Variants in DDX5 observed in about 807,000 individuals in gnomAD.
DDX5 encodes the protein probable ATP-dependent RNA helicase DDX5.
A neutral mutation model predicts 68.6 loss-of-function variants in DDX5; 6 were observed. The observed-to-expected ratio is 0.09, with a 90% confidence interval of 0.05 to 0.17. The LOEUF (loss-of-function observed/expected upper bound fraction) is 0.17. DDX5 is among the 10% of genes least tolerant of loss of function. The pLI, the probability that DDX5 is intolerant of heterozygous loss-of-function variation, is 1.00. For missense variants in DDX5, 499 were observed against 756.1 expected, an observed-to-expected ratio of 0.66 and a Z score of 3.99; for synonymous variants, 350 against 247.0, an observed-to-expected ratio of 1.42 and a Z score of -3.91.
Position 64,503,265 on chromosome 17 carries a change from G to C in DDX5, c.733C>G (p.Leu245Val). ...GKTNLRRTTYLVLDEADRMLD... is the reference protein window; with the variant it reads ...GKTNLRRTTYVVLDEADRMLD... The stretch of plus-strand genomic sequence containing the variant: ...ATTCTATCTGCTTCATCAAGGACAA[G>C]GTAGGTTGTTCTTCTCAGATTGGTT... The change falls in exon 7 of 13, where the codon CTT (leucine) becomes GTT (valine). Residue 245 changes from leucine (L) to valine (V), a missense_variant. Coordinates refer to ENST00000225792, the MANE Select transcript of DDX5 (RefSeq NM_004396.5). 1 of 1,614,124 alleles carries C rather than the reference G, an allele frequency of 6.2e-7. No individual in the cohort carries two copies. The highest frequency in any genetic ancestry group is 8.5e-7 in the Non-Finnish European group (1 of 1,180,004).
At chr17:64,500,371 C>A (rs2038267121) in intron 12 of DDX5, 45 bp from the exon 13 acceptor site, 2 of 1,568,320 alleles carry the variant, frequency 1.3e-6, no homozygotes, top group African/African-American at 1.4e-5. Context: ...GTCTATGACA[C>A]AAATCATTGT....
At chr17:64,506,546 C>T (rs539721583), upstream of DDX5, 506 of 522,052 alleles carry the variant, frequency 9.7e-4, 6 homozygotes, top group Middle Eastern at 0.01. Context: ...TCAAGCAAGC[C>T]ACCCCGCCCT....
At position 64,499,187 on chromosome 17, in the gene DDX5, A is replaced by C. The variant is rs530741461; in HGVS notation, c.*736T>G. 4.0e-5 allele frequency among the ~76,000 whole-genome samples: 6 copies of C among 151,752 alleles called. No homozygotes were observed. Among genetic ancestry groups the C allele is most frequent in the Non-Finnish European group, 8.8e-5 (6 of 67,868 alleles). ...AGTAATTCACAGTATAGCCAAGAGC[A>C]TGAGTATAAGTCTCTTGAAAAAGCC... On this transcript the variant is annotated 3_prime_UTR_variant, in exon 13 of 13. Coordinates refer to ENST00000225792, the MANE Select transcript of DDX5 (RefSeq NM_004396.5).
rs1227525045 is a variant in DDX5, at chr17:64,500,319, G to C, written c.1449C>G (p.Ser483=). ...CATCCTTCATGCCTCCTCTACCCCT[G>C]GAACGACCTGTCAAGAAAACAATTG... ...QLVEDRGSGR[S]RGRGGMKDDR... is the part of the protein sequence containing the mutation. Residue 483 remains serine, a synonymous_variant, in exon 13 of 13, where the codon TCC becomes TCG. Coordinates refer to ENST00000225792, the MANE Select transcript of DDX5 (RefSeq NM_004396.5). 1 of 1,602,746 alleles carries C rather than the reference G, an allele frequency of 6.2e-7. No homozygotes were observed. The highest frequency in any genetic ancestry group is 8.5e-7 in the Non-Finnish European group (1 of 1,174,084).
At position 64,506,068 on chromosome 17, in the gene DDX5, A is replaced by T. The variant is rs1414025470; in HGVS notation, c.44+8T>A. The stretch of plus-strand genomic sequence containing the variant: ...CGCCAGGCCTGACAGCTCGGCTCCC[A>T]AACTCACCCTCGGTCCCGGCCGCGG... On this transcript the variant is annotated splice_region_variant and intron_variant, in intron 1 of 12. Transcript: ENST00000225792. 1 of 1,276,084 alleles carries T rather than the reference A, an allele frequency of 7.8e-7. No individual in the cohort carries two copies. Among genetic ancestry groups the T allele is most frequent in the Non-Finnish European group, 1.0e-6 (1 of 981,326 alleles). The allele number at this position is 1,276,084 out of a possible 1,614,324, so 79.0% of individuals were successfully genotyped here.
chr17:64,498,791 C>A lies in DDX5; in HGVS notation c.*1132G>T, dbSNP rs559325892. ...TGATTAGAAAGTTACGTTGGTGAGC[C>A]GAAGTTAAACCTAAAGCTATCCCCT... On this transcript the variant is annotated 3_prime_UTR_variant, in exon 13 of 13. Transcript: ENST00000225792. Among the ~76,000 whole-genome samples the A allele has an allele frequency of 6.6e-6, 1 of 152,110 alleles. No individual in the cohort carries two copies. Among genetic ancestry groups the A allele is most frequent in the Non-Finnish European group, 1.5e-5 (1 of 68,028 alleles).
intron 12 of DDX5, 76 bp from the exon 13 acceptor site, chr17:64,500,402 A>T: frequency 6.5e-7 from 1 of 1,548,010 alleles, no homozygotes; most frequent in Non-Finnish European, 8.7e-7. Context: ...AAACAGATCT[A>T]TTCATGGTAG....
chr17:64,502,559 G>C lies in DDX5; in HGVS notation c.984-10C>G, dbSNP rs782647646. ...CATTAGACGAATAAGTCTAATAATA[G>C]GAGAGAGAAAGGAAAAATCCTGAGT... is the stretch of plus-strand genomic sequence containing the variant. On this transcript the variant is annotated splice_polypyrimidine_tract_variant and intron_variant, in intron 8 of 12. Transcript: ENST00000225792. 6.4e-5 allele frequency: 102 copies of C among 1,585,280 alleles called. No homozygotes were observed. In the South Asian group the frequency reaches 1.1e-3, roughly 17 times the overall value.
At chr17:64,503,752 C>A in intron 5 of DDX5, 51 bp downstream of exon 5, 2 of 1,578,026 alleles carry the variant, frequency 1.3e-6, no homozygotes, top group South Asian at 2.3e-5. Context: ...GCTATGTAGT[C>A]TAAAATCTAC....
At chr17:64,501,085 TGCGCAGTAG>T in intron 11 of DDX5, 1 of 389,198 alleles carries the variant, frequency 2.6e-6, no homozygotes. Flanking sequence ...TGAATGCTTC[TGCGCAGTAG>T]GGCCACTTAA....
chr17:64,506,265 A>G lies in DDX5; in HGVS notation c.-146T>C, dbSNP rs782769607. On this transcript the variant is annotated 5_prime_UTR_variant, in exon 1 of 13. Coordinates refer to ENST00000225792, the MANE Select transcript of DDX5 (RefSeq NM_004396.5). ...TGACACCAGCCGAAGCTGCACTACTAGAGACCGGTAGAAATGAATGAGGTG... is the reference window on the plus strand; with the variant it reads ...TGACACCAGCCGAAGCTGCACTACTGGAGACCGGTAGAAATGAATGAGGTG... 7.7e-4 allele frequency: 1,182 copies of G among 1,539,246 alleles called. 1 individual carries two copies. The highest frequency in any genetic ancestry group is 9.5e-4 in the Non-Finnish European group (1,087 of 1,142,702).
At chr17:64,505,800 C>T in intron 1 of DDX5, 1 of 1,536,176 alleles carries the variant, frequency 6.5e-7, no homozygotes. Context: ...CCGCACAATA[C>T]GCTCCCTCTC....
At position 64,499,900 on chromosome 17, in the gene DDX5, C is replaced by T; in HGVS notation, c.*23G>A. On this transcript the variant is annotated 3_prime_UTR_variant, in exon 13 of 13. Coordinates refer to ENST00000225792, the MANE Select transcript of DDX5 (RefSeq NM_004396.5). ...ATAAAGAGCAATTATGAAAAACAGA[C>T]ATTTACATATACTTCTAAAGTCTTA... The T allele has an allele frequency of 2.6e-6, 4 of 1,535,792 alleles. No homozygotes were observed. Among genetic ancestry groups the T allele is most frequent in the Non-Finnish European group, 3.5e-6 (4 of 1,141,400 alleles).
At chr17:64,505,269 G>C (rs781783924) in intron 1 of DDX5, 1 of 271,926 alleles carries the variant, frequency 3.7e-6, no homozygotes, top group South Asian at 5.9e-5. Flanking sequence ...GAACCAAACA[G>C]CTTTAGTGGT....
At chr17:64,506,647 C>CG (rs2038542636), upstream of DDX5, 2 of 371,038 alleles carry the variant, frequency 5.4e-6, no homozygotes, top group Non-Finnish European at 1.0e-5. Flanking sequence ...AGGGGGAAGG[C>CG]GGGGCCTGGC....
Position 64,506,090 on chromosome 17 carries a change from GCGGTCT to G in DDX5, c.24_29del (p.Asp9_Arg10del), listed in dbSNP as rs782276268. The G allele has an allele frequency of 2.8e-6, 4 of 1,413,356 alleles. No homozygotes were observed. Among genetic ancestry groups the G allele is most frequent in the Non-Finnish European group, 2.8e-6 (3 of 1,058,136 alleles). 87.6% of individuals were successfully genotyped at this position (1,413,356 alleles called of 1,614,324 possible). On this transcript the variant is annotated inframe_deletion, in exon 1 of 13. Coordinates refer to ENST00000225792, the MANE Select transcript of DDX5 (RefSeq NM_004396.5). ...CCCAAACTCACCCTCGGTCCCGGCC[GCGGTCT>G]CGGTCACTCGAATAACCCGACATGG...
chr17:64,500,341 AT>A lies in DDX5; in HGVS notation c.1442-16del. ...CCTGGAACGACCTGTCAAGAAAACA[AT>A]TGCAAATTGATCAATTATGTCTATG... is the stretch of plus-strand genomic sequence containing the variant. On this transcript the variant is annotated splice_polypyrimidine_tract_variant and intron_variant, in intron 12 of 12. Transcript: ENST00000225792. The A allele has an allele frequency of 3.1e-6, 5 of 1,591,226 alleles. No individual in the cohort carries two copies. In the East Asian group the frequency reaches 6.7e-5, roughly 21 times the overall value.
At chr17:64,504,917 G>A (rs782307174) in intron 1 of DDX5, 75 bp from the exon 2 acceptor site, 6 of 1,442,858 alleles carry the variant, frequency 4.2e-6, no homozygotes, top group East Asian at 2.3e-5. Flanking sequence ...GTCATCCATT[G>A]GCACAAGCTA....
upstream of DDX5, chr17:64,506,716 G>A (rs1293519065): frequency 3.2e-5 from 13 of 406,348 alleles, no homozygotes; most frequent in Non-Finnish European, 5.0e-5. Context: ...CTACTTTCCC[G>A]TTGACGTCGG....
Sources: gnomAD v4.1 joint callset for allele counts (sites outside exome capture counted in the v4.1 genomes callset) on GRCh38, gnomAD v4.1.1 for gene constraint, MANE v1.5 for transcripts, NCBI Gene and HGNC (gene_info 2026-07-23, HGNC 2026-07-21) for gene names.